Variants in SCAF11 observed in about 807,000 individuals in gnomAD.
SCAF11 encodes SR-related CTD associated factor 11.
A neutral mutation model predicts 140.5 loss-of-function variants in SCAF11; 47 were observed. The ratio of observed to expected loss-of-function variants is 0.33; its 90% confidence interval spans 0.26 to 0.43. The LOEUF (loss-of-function observed/expected upper bound fraction) is 0.43. SCAF11 is among the 20% of genes least tolerant of loss of function. The pLI, the probability that SCAF11 is intolerant of heterozygous loss-of-function variation, is 1.00. For missense variants in SCAF11, 1,645 were observed against 1,705.1 expected (o/e 0.96, Z 0.62); for synonymous variants, 557 against 579.4 (o/e 0.96, Z 0.55).
chr12:45,951,428 G>C (rs962368619), intron 4 of SCAF11, among the ~76,000 whole-genome samples: 7 of 152,054 alleles, frequency 4.6e-5, no homozygotes, highest in African/African-American at 1.7e-4. Flanking sequence ...TATACTACAA[G>C]GTGATCATTA....
chr12:45,956,077 A>C, intron 3 of SCAF11: 1 of 713,168 alleles, frequency 1.4e-6, no homozygotes, highest in East Asian at 2.7e-5. Flanking sequence ...ACCCACATTT[A>C]AATGTAAGAA....
chr12:45,978,927 GAC>G (rs1344332600), intron 1 of SCAF11, among the ~76,000 whole-genome samples: 2 of 151,966 alleles, frequency 1.3e-5, no homozygotes, highest in South Asian at 4.1e-4. Flanking sequence ...AGACACTTGA[GAC>G]AGTTAATTTA....
chr12:45,982,559 GC>G (rs1232793136), intron 1 of SCAF11, among the ~76,000 whole-genome samples: 1 of 152,056 alleles, frequency 6.6e-6, no homozygotes, highest in African/African-American at 2.4e-5. Flanking sequence ...ACAAAAATTA[GC>G]CGGGTGTAGT....
At chr12:45,945,857 A>C (rs181218258) in intron 5 of SCAF11, among the ~76,000 whole-genome samples, 78 of 151,456 alleles carry the variant, frequency 5.2e-4, no homozygotes, top group East Asian at 1.2e-3. Flanking sequence ...TCTTATTCTT[A>C]TTATTATTTT....
intron 3 of SCAF11, chr12:45,956,041 G>C: frequency 1.4e-6 from 1 of 704,220 alleles, no homozygotes; most frequent in East Asian, 2.7e-5. Context: ...CTATTCTGAA[G>C]CATTATAAAT....
chr12:45,932,065 T>C (rs887502224), intron 9 of SCAF11, among the ~76,000 whole-genome samples: 3 of 152,100 alleles, frequency 2.0e-5, no homozygotes, highest in Non-Finnish European at 4.4e-5. Flanking sequence ...ATGTCTGTGT[T>C]AACCACCACC....
rs534324478 is a variant in SCAF11 at position 45,923,262 on chromosome 12, T to C, written c.3907-108A>G. On this transcript the variant is annotated intron_variant, in intron 12 of 14. Coordinates refer to ENST00000369367, the MANE Select transcript of SCAF11 (RefSeq NM_004719.3). ...AAAACACAAAGCAAACCAACCTTAG[T>C]ACTAAAGAAAAATGCATATTTCAGG... is the stretch of plus-strand genomic sequence containing the variant. 6 of 869,784 alleles carry C rather than the reference T, an allele frequency of 6.9e-6. No homozygotes were observed. In the East Asian group the frequency reaches 1.5e-4, roughly 22 times the overall value. The allele number at this position is 869,784 out of a possible 1,614,324, so 53.9% of individuals were successfully genotyped here. A position where few individuals can be genotyped will look rare whatever the true frequency, so the allele number is the denominator to read the frequency against.
chr12:45,968,587 T>C (rs1466062317), intron 1 of SCAF11, among the ~76,000 whole-genome samples: 1 of 152,160 alleles, frequency 6.6e-6, no homozygotes, highest in African/African-American at 2.4e-5. Flanking sequence ...AAAACTCATT[T>C]TCCCATAGTA....
chr12:45,973,719 AAC>A (rs1946168667), intron 1 of SCAF11, among the ~76,000 whole-genome samples: 1 of 152,202 alleles, frequency 6.6e-6, no homozygotes, highest in Non-Finnish European at 1.5e-5. Context: ...AATGGAAAAG[AAC>A]TGTAAACCTA....
chr12:45,940,113 G>A (rs1945262832), intron 6 of SCAF11, among the ~76,000 whole-genome samples: 1 of 152,076 alleles, frequency 6.6e-6, no homozygotes, highest in Non-Finnish European at 1.5e-5. Context: ...AATAAATACT[G>A]TCTAAGAAAC....
Position 45,934,036 on chromosome 12 carries a change from C to T in SCAF11, c.632+140G>A, listed in dbSNP as rs185035418. On this transcript the variant is annotated intron_variant, in intron 8 of 14. Transcript: ENST00000369367. Reference sequence around the variant, plus strand: ...GCTAGAGCTAGTTTACCTTCCCCCCCGCCCAAAAAAAAACTAAAGCAAAAC... The same window carrying T: ...GCTAGAGCTAGTTTACCTTCCCCCCTGCCCAAAAAAAAACTAAAGCAAAAC... The T allele has an allele frequency of 1.5e-4, 81 of 532,170 alleles. No individual in the cohort carries two copies. In the East Asian group the frequency reaches 2.0e-3, roughly 13 times the overall value. The allele number at this position is 532,170 out of a possible 1,614,324, so 33.0% of individuals were successfully genotyped here. A position where few individuals can be genotyped will look rare whatever the true frequency, so the allele number is the denominator to read the frequency against.
chr12:45,943,202 G>T (rs1260871730), intron 6 of SCAF11, among the ~76,000 whole-genome samples: 1 of 152,110 alleles, frequency 6.6e-6, no homozygotes, highest in African/African-American at 2.4e-5. Context: ...TAACGAAATG[G>T]ATAATCCATG....
intron 3 of SCAF11, among the ~76,000 whole-genome samples, chr12:45,956,372 T>C (rs574394905): frequency 1.3e-5 from 2 of 152,354 alleles, no homozygotes; most frequent in East Asian, 1.9e-4. Context: ...TAGAAATGCA[T>C]ACCATTAGTG....
In SCAF11 at chr12:45,927,923, G is replaced by C. The variant is rs149986952; in HGVS notation, c.1778C>G (p.Thr593Ser). Reference sequence around the variant, plus strand: ...TTTTAGTGTAAAATCTTTATGTTCAGTAATTTCTACTAGGGAACTCTCTGT... The same window carrying C: ...TTTTAGTGTAAAATCTTTATGTTCACTAATTTCTACTAGGGAACTCTCTGT... ...KITESSLVEITEHKDFTLKTE... is the reference protein window; with the variant it reads ...KITESSLVEISEHKDFTLKTE... The change falls in exon 11 of 15, where the codon ACT becomes AGT. Residue 593 changes from threonine (T) to serine (S), a missense_variant. Thr to Ser is a moderately conservative substitution (Grantham distance 58). Transcript: ENST00000369367. The C allele has an allele frequency of 3.7e-6, 6 of 1,612,768 alleles. No homozygotes were observed. In the African/African-American group the frequency reaches 8.0e-5, roughly 22 times the overall value.
At chr12:45,990,681 G>A, upstream of SCAF11, 1 of 903,370 alleles carries the variant, frequency 1.1e-6, no homozygotes. Context: ...GACGGCGGCA[G>A]CCGGACTCGC....
intron 5 of SCAF11, among the ~76,000 whole-genome samples, chr12:45,946,326 C>T (rs1253845889): frequency 6.6e-6 from 1 of 152,032 alleles, no homozygotes; most frequent in African/African-American, 2.4e-5. Context: ...ACCAAGTATC[C>T]AGTAAATAGA....
Position 45,945,328 on chromosome 12 carries a change from A to ACT in SCAF11, c.399-16_399-15insAG. 6.9e-7 allele frequency: 1 copy of ACT among 1,441,020 alleles called. No individual in the cohort carries two copies. The highest frequency in any genetic ancestry group is 9.5e-7 in the Non-Finnish European group (1 of 1,050,114). 89.3% of individuals were successfully genotyped at this position (1,441,020 alleles called of 1,614,324 possible). On this transcript the variant is annotated splice_polypyrimidine_tract_variant and intron_variant, in intron 5 of 14. Transcript: ENST00000369367. ...TGGCTTTTCTTCTGTAAACATCAAT[A>ACT]AAGACAGGAAAGAATTAAGAAAAAA... is the stretch of plus-strand genomic sequence containing the variant.
At chr12:45,951,539 C>A in intron 4 of SCAF11, 111 bp downstream of exon 4, 1 of 629,786 alleles carries the variant, frequency 1.6e-6, no homozygotes, top group Non-Finnish European at 2.8e-6. Context: ...ATTAAAATAA[C>A]ATATTAAACC....
intron 1 of SCAF11, among the ~76,000 whole-genome samples, chr12:45,983,781 AC>A (rs1946400442): frequency 6.6e-6 from 1 of 151,444 alleles, no homozygotes; most frequent in South Asian, 2.1e-4. Flanking sequence ...ACACACACAC[AC>A]ACAAAGACTG....
Sources: allele counts gnomAD v4.1 joint callset (sites outside exome capture counted in the v4.1 genomes callset), GRCh38; gene constraint gnomAD v4.1.1; transcripts MANE v1.5; gene names NCBI Gene and HGNC (gene_info 2026-07-23, HGNC 2026-07-21).